The following B3GALT1 variants were observed in gnomAD, a reference collection of about 807,000 sequenced individuals.
The protein encoded by B3GALT1 is beta-1,3-galactosyltransferase 1, also known as UDP-Gal:betaGlcNAc beta 1,3-galactosyltransferase, polypeptide 1.
B3GALT1 carries 10 observed loss-of-function variants against 23.2 expected under a neutral mutation model. The ratio of observed to expected loss-of-function variants is 0.43; its 90% CI spans 0.27 to 0.73. The LOEUF (loss-of-function observed/expected upper bound fraction) is 0.73, where lower values mean the gene tolerates loss of function less well. B3GALT1 is among the 30% of genes least tolerant of loss of function. The pLI, the probability that B3GALT1 is intolerant of heterozygous loss-of-function variation, is 0.21. For missense variants in B3GALT1, 299 were observed against 405.4 expected (o/e 0.74, Z 2.25); for synonymous variants, 156 against 141.5 (o/e 1.10, Z -0.73).
chr2:167,694,032 A>C (rs1468417333), intron 3 of B3GALT1, among the ~76,000 whole-genome samples: 1 of 152,022 alleles, frequency 6.6e-6, no homozygotes, highest in African/African-American at 2.4e-5. Flanking sequence ...TCTCACTCAC[A>C]TGTTTGGAAA....
intron 3 of B3GALT1, among the ~76,000 whole-genome samples, chr2:167,758,361 A>ATC (rs1687850118): frequency 6.6e-6 from 1 of 152,090 alleles, no homozygotes. Context: ...CCAGCCCCGA[A>ATC]TCCTCCCTGC....
At chr2:167,570,365 G>A (rs1684269358) in intron 2 of B3GALT1, among the ~76,000 whole-genome samples, 1 of 151,684 alleles carries the variant, frequency 6.6e-6, no homozygotes, top group Admixed American at 6.6e-5. Flanking sequence ...ATTTTTTCTT[G>A]TGTGAGTTTC....
intron 1 of B3GALT1, among the ~76,000 whole-genome samples, chr2:167,483,162 G>T (rs915611203): frequency 6.6e-5 from 10 of 151,180 alleles, no homozygotes; most frequent in African/African-American, 2.2e-4. Context: ...GCGTGGTGAC[G>T]CATGCCTGTA....
At chr2:167,843,523 C>A (rs545164270) in intron 4 of B3GALT1, among the ~76,000 whole-genome samples, 1 of 152,292 alleles carries the variant, frequency 6.6e-6, no homozygotes. Context: ...TAATAACTGC[C>A]GCTATGGTGC....
chr2:167,745,069 C>A (rs936290205), intron 3 of B3GALT1, among the ~76,000 whole-genome samples: 1 of 150,632 alleles, frequency 6.6e-6, no homozygotes. Context: ...TCTTTTTGTC[C>A]CTTTACATTT....
At chr2:167,461,072 G>A (rs951152335) in intron 1 of B3GALT1, among the ~76,000 whole-genome samples, 3 of 152,124 alleles carry the variant, frequency 2.0e-5, no homozygotes, top group Admixed American at 6.6e-5. Context: ...AATGGGAGGG[G>A]GATACAGCAA....
intron 3 of B3GALT1, among the ~76,000 whole-genome samples, chr2:167,735,623 T>C (rs1310815189): frequency 6.6e-6 from 1 of 152,130 alleles, no homozygotes. Context: ...TATAGATATA[T>C]ATAGATATAG....
chr2:167,527,467 A>AG (rs71395289), intron 2 of B3GALT1, among the ~76,000 whole-genome samples: 56,797 of 151,832 alleles, frequency 0.37, 11,602 homozygotes, highest in East Asian at 0.81. Flanking sequence ...AATGAAAAAA[A>AG]GCAAATACAT....
chr2:167,355,265 C>T (rs1168268255), intron 1 of B3GALT1, among the ~76,000 whole-genome samples: 6 of 152,190 alleles, frequency 3.9e-5, no homozygotes, highest in Non-Finnish European at 5.9e-5. Flanking sequence ...GAGAGCCCTA[C>T]AAATAATTTG....
chr2:167,701,129 C>T (rs770648321), intron 3 of B3GALT1, among the ~76,000 whole-genome samples: 1 of 152,140 alleles, frequency 6.6e-6, no homozygotes, highest in African/African-American at 2.4e-5. Flanking sequence ...GCTGAAACCA[C>T]CTCACTCAGC....
rs945220585 is a variant in B3GALT1, at chr2:167,714,912, T to C, written c.-352+67946T>C. ...TCATTTTCTTGATATAGTTCAGTCA[T>C]TATTTTAAGTTTCTGTTGAAGCTTC... On this transcript the variant is annotated intron_variant, in intron 3 of 4. Transcript: ENST00000392690. 2.0e-5 allele frequency: 32 copies of C among 1,611,444 alleles called. No homozygotes were observed. The African/African-American group carries it at 2.9e-4, about 15-fold the overall frequency.
intron 3 of B3GALT1, among the ~76,000 whole-genome samples, chr2:167,688,542 A>G (rs983530717): frequency 2.0e-5 from 3 of 152,154 alleles, no homozygotes; most frequent in Admixed American, 6.5e-5. Context: ...TGGCTTAACA[A>G]TAGAATGGAG....
chr2:167,562,592 A>C (rs1282872606), intron 2 of B3GALT1, among the ~76,000 whole-genome samples: 3 of 152,248 alleles, frequency 2.0e-5, no homozygotes, highest in Non-Finnish European at 4.4e-5. Flanking sequence ...TTAAGCTGAT[A>C]AGCAACTTCA....
At chr2:167,436,340 C>T (rs1698786467) in intron 1 of B3GALT1, among the ~76,000 whole-genome samples, 1 of 152,038 alleles carries the variant, frequency 6.6e-6, no homozygotes, top group Non-Finnish European at 1.5e-5. Flanking sequence ...TTGCCTGCAC[C>T]ACTCCCCTCT....
At chr2:167,764,902 G>T (rs1347092609) in intron 3 of B3GALT1, among the ~76,000 whole-genome samples, 1 of 152,080 alleles carries the variant, frequency 6.6e-6, no homozygotes, top group Non-Finnish European at 1.5e-5. Context: ...GCTTTACAAA[G>T]GCCAGAGAAA....
chr2:167,482,876 A>G (rs1699578356), intron 1 of B3GALT1, among the ~76,000 whole-genome samples: 1 of 152,106 alleles, frequency 6.6e-6, no homozygotes, highest in South Asian at 2.1e-4. Context: ...CTGTGCTTAT[A>G]TCTCTCACAA....
At chr2:167,618,666 G>C (rs1352672862) in intron 2 of B3GALT1, among the ~76,000 whole-genome samples, 1 of 151,898 alleles carries the variant, frequency 6.6e-6, no homozygotes, top group Admixed American at 6.6e-5. Context: ...TTCATTTCAT[G>C]TCTTTTTAAC....
chr2:167,694,736 G>A (rs904664301), intron 3 of B3GALT1, among the ~76,000 whole-genome samples: 1 of 145,212 alleles, frequency 6.9e-6, no homozygotes, highest in African/African-American at 2.9e-5. Flanking sequence ...AAAGCAGGTG[G>A]CCAGATTCAA....
At position 167,869,566 on chromosome 2, in the gene B3GALT1, CA is replaced by C. The variant is rs1690301519; in HGVS notation, c.528del (p.Asp177ThrfsTer6). On this transcript the variant is annotated frameshift_variant, in exon 5 of 5. Coordinates refer to ENST00000392690, the MANE Select transcript of B3GALT1 (RefSeq NM_020981.4). LOFTEE classifies it high-confidence loss of function. The surrounding 1 kb of genome is among the most constrained non-coding windows in gnomAD (Gnocchi z 6.4). ...TCAAAAGCCAAGTATGTCATGAAAA[CA>C]GACAGCGACATTTTTGTAAACATGG... ...FCSKAKYVMK[T>X]DSDIFVNMDN... 6.2e-7 allele frequency: 1 copy of C among 1,613,994 alleles called. No individual in the cohort carries two copies. The highest frequency in any genetic ancestry group is 8.5e-7 in the Non-Finnish European group (1 of 1,180,014).
Sources: gnomAD v4.1 joint callset for allele counts (sites outside exome capture counted in the v4.1 genomes callset) on GRCh38, gnomAD v4.1.1 for gene constraint, Gnocchi (gnomAD v3.1) non-coding constraint, MANE v1.5 for transcripts, NCBI Gene and HGNC (gene_info 2026-07-23, HGNC 2026-07-21) for gene names.